GRAP2: variants seen among roughly 807,000 people sequenced by gnomAD.
GRAP2 encodes GRB2-related adapter protein 2.
Under a neutral mutation model 43.5 loss-of-function variants are expected in GRAP2, and 31 were observed. The ratio of observed to expected loss-of-function variants is 0.71; its 90% CI spans 0.54 to 0.96. The LOEUF is 0.96. GRAP2 is among the 40% of genes least tolerant of loss of function. GRAP2 has a pLI of 0.00. For synonymous variants in GRAP2, 156 were observed against 164.8 expected (o/e 0.95, Z 0.41); for missense variants, 371 against 424.4 (o/e 0.87, Z 1.11).
chr22:39,896,302 T>C (rs1278882401), upstream of GRAP2, among the ~76,000 whole-genome samples: 2 of 152,228 alleles, frequency 1.3e-5, no homozygotes, highest in African/African-American at 4.8e-5. Flanking sequence ...CATATACTTT[T>C]ACATGTAATG....
chr22:39,953,590 A>C (rs2067013483), intron 2 of GRAP2, among the ~76,000 whole-genome samples: 1 of 152,104 alleles, frequency 6.6e-6, no homozygotes, highest in South Asian at 2.1e-4. Flanking sequence ...CTGATCTCTG[A>C]TACAGAGCTC....
intron 6 of GRAP2, chr22:39,968,525 T>TGGG: frequency 1.9e-6 from 1 of 512,966 alleles, no homozygotes. Context: ...ACACACACAC[T>TGGG]TCCCCTGAGG....
intron 1 of GRAP2, among the ~76,000 whole-genome samples, chr22:39,931,218 C>T (rs1397258822): frequency 6.6e-6 from 1 of 152,094 alleles, no homozygotes. Context: ...GGCAAGACAG[C>T]CTTGTGAAGT....
At chr22:39,969,674 G>C (rs1569219332) in intron 7 of GRAP2, 141 bp downstream of exon 7, 7 of 846,698 alleles carry the variant, frequency 8.3e-6, no homozygotes, top group African/African-American at 1.7e-5. Context: ...AACACTTTGG[G>C]AGGCCAAGGC....
At chr22:39,924,459 G>C (rs979673788) in intron 1 of GRAP2, among the ~76,000 whole-genome samples, 1 of 152,174 alleles carries the variant, frequency 6.6e-6, no homozygotes, top group African/African-American at 2.4e-5. Context: ...CCAACACTTC[G>C]GGAGGCCGAA....
rs771896318 is a variant in GRAP2 at position 39,955,851 on chromosome 22, G to A, written c.111G>A (p.Ala37=). Residue 37 remains alanine, a synonymous_variant, in exon 3 of 8, where the codon GCG becomes GCA. Transcript: ENST00000344138. ...ILSNQEEWFK[A]ELGSQEGYVP... The stretch of plus-strand genomic sequence containing the variant: ...GTAACCAAGAGGAGTGGTTTAAGGC[G>A]GAGCTTGGGAGCCAGGAAGGATATG... The A allele has an allele frequency of 1.3e-5, 21 of 1,589,104 alleles. No homozygotes were observed. The highest frequency in any genetic ancestry group is 2.7e-5 in the African/African-American group (2 of 74,476).
intron 4 of GRAP2, 147 bp from the exon 5 acceptor site, chr22:39,965,843 G>A (rs2067166787): frequency 1.4e-6 from 1 of 701,540 alleles, no homozygotes; most frequent in East Asian, 2.7e-5. Context: ...AGCCTGACTG[G>A]GCTGGCCCAC....
At chr22:39,964,484 A>G in intron 4 of GRAP2, 2 of 1,030,362 alleles carry the variant, frequency 1.9e-6, no homozygotes, top group East Asian at 2.5e-5. Context: ...AAAGAGGAGC[A>G]GAAGAAACTC....
At chr22:39,952,512 A>G (rs2066996910) in intron 2 of GRAP2, among the ~76,000 whole-genome samples, 1 of 152,078 alleles carries the variant, frequency 6.6e-6, no homozygotes, top group African/African-American at 2.4e-5. Flanking sequence ...CGTGGCTACG[A>G]GGCGCTGCTG....
chr22:39,951,460 C>T (rs1273831728), intron 2 of GRAP2, among the ~76,000 whole-genome samples: 2 of 150,398 alleles, frequency 1.3e-5, no homozygotes. Context: ...TTCAATACTT[C>T]AGATTTTTGC....
chr22:39,912,479 T>C (rs1213778956), intron 1 of GRAP2, among the ~76,000 whole-genome samples: 2 of 152,162 alleles, frequency 1.3e-5, no homozygotes, highest in African/African-American at 2.4e-5. Flanking sequence ...TCTCCCCCAC[T>C]CCCACCAGGG....
At chr22:39,969,699 A>C (rs2067218370) in intron 7 of GRAP2, among the ~76,000 whole-genome samples, 166 bp downstream of exon 7, 2 of 152,156 alleles carry the variant, frequency 1.3e-5, no homozygotes, top group South Asian at 4.1e-4. Flanking sequence ...GGATCACCTG[A>C]GGTCAGGAGT....
At chr22:39,912,823 C>T (rs1325181555) in intron 1 of GRAP2, among the ~76,000 whole-genome samples, 4 of 151,986 alleles carry the variant, frequency 2.6e-5, no homozygotes, top group Non-Finnish European at 5.9e-5. Context: ...ATGGAAAATC[C>T]AGCCACAGAT....
At chr22:39,956,967 A>G (rs2067060129) in intron 3 of GRAP2, among the ~76,000 whole-genome samples, 1 of 151,654 alleles carries the variant, frequency 6.6e-6, no homozygotes, top group African/African-American at 2.4e-5. Context: ...GTGGACAGAC[A>G]CTCCCTGCCT....
chr22:39,947,003 C>A, intron 1 of GRAP2, 90 bp from the exon 2 acceptor site: 1 of 797,194 alleles, frequency 1.3e-6, no homozygotes, highest in Non-Finnish European at 2.3e-6. Context: ...GCCCACTCTC[C>A]TAGGAACTGC....
intron 2 of GRAP2, among the ~76,000 whole-genome samples, chr22:39,951,565 T>G (rs976985655): frequency 6.6e-6 from 1 of 152,156 alleles, no homozygotes; most frequent in African/African-American, 2.4e-5. Flanking sequence ...TCACAGGCCA[T>G]GTAACCCAAA....
chr22:39,959,180 A>G (rs1002420738), intron 3 of GRAP2, among the ~76,000 whole-genome samples: 1 of 152,146 alleles, frequency 6.6e-6, no homozygotes, highest in African/African-American at 2.4e-5. Context: ...TGGTGGAGAG[A>G]GGTCTCTGGC....
At chr22:39,910,021 C>T (rs2066548569) in intron 1 of GRAP2, among the ~76,000 whole-genome samples, 2 of 152,218 alleles carry the variant, frequency 1.3e-5, no homozygotes, top group South Asian at 4.1e-4. Flanking sequence ...GCCTGCTCTT[C>T]CCCTGCTTCC....
intron 1 of GRAP2, among the ~76,000 whole-genome samples, chr22:39,941,304 C>T (rs113719881): frequency 2.0e-4 from 31 of 152,314 alleles, no homozygotes; most frequent in East Asian, 3.9e-4. Context: ...AACAACCCCA[C>T]GGAGTAACTC....
Sources: allele counts gnomAD v4.1 joint callset (sites outside exome capture counted in the v4.1 genomes callset), GRCh38; gene constraint gnomAD v4.1.1; transcripts MANE v1.5; gene names NCBI Gene and HGNC (gene_info 2026-07-23, HGNC 2026-07-21).